CTNNA3: variants seen among roughly 807,000 people sequenced by gnomAD.
CTNNA3 encodes the protein catenin alpha-3.
A neutral mutation model predicts 95.7 loss-of-function variants in CTNNA3; 76 were observed. The ratio of observed to expected loss-of-function variants is 0.79; its 90% confidence interval spans 0.66 to 0.96. The LOEUF (loss-of-function observed/expected upper bound fraction) is 0.96. CTNNA3 is among the 40% of genes least tolerant of loss of function. The pLI, the probability that CTNNA3 is intolerant of heterozygous loss-of-function variation, is 0.00. For synonymous variants in CTNNA3, 431 were observed against 374.4 expected (o/e 1.15, Z -1.74); for missense variants, 1,191 against 1,089.8 (o/e 1.09, Z -1.31).
chr10:67,521,576 T>C (rs1214172076), intron 5 of CTNNA3, among the ~76,000 whole-genome samples: 1 of 152,008 alleles, frequency 6.6e-6, no homozygotes, highest in Non-Finnish European at 1.5e-5. Flanking sequence ...CAAAGGGTAG[T>C]TGGATTTTCA....
At chr10:66,296,382 C>T (rs900806799) in intron 12 of CTNNA3, among the ~76,000 whole-genome samples, 2 of 152,020 alleles carry the variant, frequency 1.3e-5, no homozygotes, top group Non-Finnish European at 2.9e-5. Context: ...ATTAAAATGA[C>T]TATGAAGTCT....
intron 5 of CTNNA3, among the ~76,000 whole-genome samples, chr10:67,395,055 A>C (rs1844665485): frequency 6.6e-6 from 1 of 152,162 alleles, no homozygotes; most frequent in African/African-American, 2.4e-5. Flanking sequence ...AATAATTCTT[A>C]AGTACACTTT....
At chr10:67,665,273 A>C (rs183398714) in intron 1 of CTNNA3, among the ~76,000 whole-genome samples, 1 of 152,364 alleles carries the variant, frequency 6.6e-6, no homozygotes, top group African/African-American at 2.4e-5. Context: ...TTTTATCTAA[A>C]TCTGAAATGC....
chr10:66,678,195 G>T (rs1208558514), intron 9 of CTNNA3, among the ~76,000 whole-genome samples: 1 of 152,116 alleles, frequency 6.6e-6, no homozygotes, highest in African/African-American at 2.4e-5. Context: ...ATGAGGGAAA[G>T]CCTGTAGGAC....
At chr10:66,609,099 G>A (rs1035300669) in intron 10 of CTNNA3, among the ~76,000 whole-genome samples, 9 of 151,356 alleles carry the variant, frequency 5.9e-5, no homozygotes, top group South Asian at 2.1e-4. Flanking sequence ...TCACTGTGTC[G>A]CCCAGGCTGG....
At chr10:66,445,940 GAAGAA>G (rs1229732769) in intron 11 of CTNNA3, among the ~76,000 whole-genome samples, 4 of 151,960 alleles carry the variant, frequency 2.6e-5, no homozygotes, top group African/African-American at 4.8e-5. Context: ...GGCTAAGAAG[GAAGAA>G]AAGAGAGAAG....
At chr10:67,544,764 T>C (rs1255065152) in intron 3 of CTNNA3, among the ~76,000 whole-genome samples, 1 of 152,158 alleles carries the variant, frequency 6.6e-6, no homozygotes, top group African/African-American at 2.4e-5. Context: ...TTGGATAGAA[T>C]ACAAAGAAGA....
chr10:67,457,746 C>G (rs80353795), intron 5 of CTNNA3, among the ~76,000 whole-genome samples: 6,621 of 152,216 alleles, frequency 0.043, 173 homozygotes, highest in South Asian at 0.098. Context: ...CACACACATC[C>G]TTGGCTCTTT....
chr10:66,765,796 G>A (rs551763124), intron 9 of CTNNA3, among the ~76,000 whole-genome samples: 2 of 152,088 alleles, frequency 1.3e-5, no homozygotes, highest in Non-Finnish European at 1.5e-5. Flanking sequence ...GTGGGGACAT[G>A]AGCCAGTTCA....
intron 15 of CTNNA3, among the ~76,000 whole-genome samples, chr10:66,005,563 G>A (rs1429824116): frequency 6.6e-6 from 1 of 152,028 alleles, no homozygotes; most frequent in Non-Finnish European, 1.5e-5. Context: ...AGACCTGAGA[G>A]AACCAGAATT....
intron 11 of CTNNA3, among the ~76,000 whole-genome samples, chr10:66,422,012 T>C (rs1420420406): frequency 1.3e-5 from 2 of 150,714 alleles, no homozygotes; most frequent in Admixed American, 6.6e-5. Context: ...ACATGGATTG[T>C]ATTTTTTCCA....
intron 7 of CTNNA3, among the ~76,000 whole-genome samples, chr10:66,968,163 T>C (rs1589513508): frequency 6.6e-6 from 1 of 152,022 alleles, no homozygotes; most frequent in East Asian, 1.9e-4. Flanking sequence ...TAGATAGAAT[T>C]ACTCAAGAGC....
At chr10:67,330,459 G>A (rs1026640775) in intron 5 of CTNNA3, among the ~76,000 whole-genome samples, 3 of 152,148 alleles carry the variant, frequency 2.0e-5, no homozygotes, top group South Asian at 2.1e-4. Context: ...CATATAAAGC[G>A]ATTGGCACAG....
intron 16 of CTNNA3, among the ~76,000 whole-genome samples, chr10:65,986,597 A>G (rs1298972007): frequency 6.6e-6 from 1 of 151,736 alleles, no homozygotes; most frequent in Non-Finnish European, 1.5e-5. Context: ...CTGTTCATGT[A>G]TGGAAAGAAT....
At position 67,287,010 on chromosome 10, in the gene CTNNA3, T is replaced by C. The variant is rs542020877; in HGVS notation, c.580-67140A>G. ...CTGAAATCCCCCTAGAAGCAAGAGC[T>C]TCTGCTGAGCGACTCCATGGTGACT... is the stretch of plus-strand genomic sequence containing the variant. On this transcript the variant is annotated intron_variant, in intron 5 of 17. Coordinates refer to ENST00000433211, the MANE Select transcript of CTNNA3 (RefSeq NM_013266.4). 2.4e-4 allele frequency among the ~76,000 whole-genome samples: 36 copies of C among 152,212 alleles called. 1 individual carries two copies. The highest frequency in any genetic ancestry group is 8.7e-4 in the African/African-American group (36 of 41,546).
At chr10:67,133,815 G>A (rs74142305) in intron 7 of CTNNA3, among the ~76,000 whole-genome samples, 9,666 of 152,106 alleles carry the variant, frequency 0.064, 463 homozygotes, top group African/African-American at 0.12. Flanking sequence ...TAGGCATTGT[G>A]CTTGGCATTT....
chr10:66,441,889 G>C (rs901591027), intron 11 of CTNNA3, among the ~76,000 whole-genome samples: 1 of 152,150 alleles, frequency 6.6e-6, no homozygotes, highest in Non-Finnish European at 1.5e-5. Flanking sequence ...AAATATAAGA[G>C]AAAGAGGTTT....
chr10:66,611,400 T>C (rs1424173773), intron 10 of CTNNA3, among the ~76,000 whole-genome samples: 1 of 151,958 alleles, frequency 6.6e-6, no homozygotes, highest in African/African-American at 2.4e-5. Flanking sequence ...CCCCAAAATA[T>C]ATATAACTAT....
chr10:67,723,506 C>T (rs1292398072), intron 1 of CTNNA3, among the ~76,000 whole-genome samples: 1 of 152,026 alleles, frequency 6.6e-6, no homozygotes, highest in African/African-American at 2.4e-5. Context: ...ATTGCCTAAG[C>T]TGGTTTCAAA....
Sources: allele counts gnomAD v4.1 joint callset (sites outside exome capture counted in the v4.1 genomes callset), GRCh38; gene constraint gnomAD v4.1.1; transcripts MANE v1.5; gene names NCBI Gene and HGNC (gene_info 2026-07-23, HGNC 2026-07-21).